Variants in ROCK2 observed in about 807,000 individuals in gnomAD.
ROCK2 encodes the protein rho-associated protein kinase 2.
ROCK2 carries 61 observed loss-of-function variants against 195.1 expected under a neutral mutation model. That is an observed-to-expected ratio of 0.31 (90% CI 0.25 to 0.39). The LOEUF (loss-of-function observed/expected upper bound fraction) is 0.39, where lower values mean the gene tolerates loss of function less well. ROCK2 is among the 10% of genes least tolerant of loss of function. The pLI is 1.00. For missense variants in ROCK2, 1,109 were observed against 1,637.4 expected (o/e 0.68, Z 5.57); for synonymous variants, 504 against 545.5 (o/e 0.92, Z 1.06).
chr2:11,254,120 G>A (rs935470069), intron 3 of ROCK2, among the ~76,000 whole-genome samples: 3 of 152,118 alleles, frequency 2.0e-5, no homozygotes, highest in African/African-American at 7.2e-5. Flanking sequence ...TTATTACTCA[G>A]AATCATGCAC....
At chr2:11,247,746 G>A (rs547072744) in intron 4 of ROCK2, among the ~76,000 whole-genome samples, 105 of 152,314 alleles carry the variant, frequency 6.9e-4, no homozygotes, top group Middle Eastern at 3.4e-3. Context: ...CAGGCCAGGC[G>A]CAGAGGCTCA....
intron 1 of ROCK2, among the ~76,000 whole-genome samples, chr2:11,332,160 T>C (rs1403042397): frequency 1.3e-5 from 2 of 152,022 alleles, no homozygotes; most frequent in Non-Finnish European, 2.9e-5. Context: ...AACCTTTTTT[T>C]AATTAAAAAA....
intron 1 of ROCK2, among the ~76,000 whole-genome samples, chr2:11,317,576 T>TTTTATATATATATATA (rs1553317356): frequency 3.4e-5 from 1 of 29,584 alleles, no homozygotes; most frequent in Non-Finnish European, 5.7e-5. Context: ...ATCTACACAT[T>TTTTATATATATATATA]TATATATATA....
intron 1 of ROCK2, among the ~76,000 whole-genome samples, chr2:11,305,831 G>C (rs1667843126): frequency 6.6e-6 from 1 of 152,150 alleles, no homozygotes; most frequent in African/African-American, 2.4e-5. Context: ...GGACCATTCT[G>C]TACTATTTTT....
rs193225932 is a variant in ROCK2 at position 11,207,073 on chromosome 2, A to G, written c.2549+653T>C. Among the ~76,000 whole-genome samples, 12 of 152,322 alleles carry G rather than the reference A, an allele frequency of 7.9e-5. No homozygotes were observed. The East Asian group carries it at 2.3e-3, about 29-fold the overall frequency. On this transcript the variant is annotated intron_variant, in intron 20 of 32. Coordinates refer to ENST00000315872, the MANE Select transcript of ROCK2 (RefSeq NM_004850.5). ...AATAAATGGGACAAATTTTAATAGT[A>G]TATTTACTATATATTTTATCTTTTT...
intron 1 of ROCK2, among the ~76,000 whole-genome samples, chr2:11,289,791 G>T (rs923452038): frequency 6.6e-6 from 1 of 152,174 alleles, no homozygotes; most frequent in Non-Finnish European, 1.5e-5. Context: ...ATTATGTGAA[G>T]ATTAACTAAT....
chr2:11,282,619 A>AAAAAAAAAAAAAAAAAAAAAAAAAC, intron 3 of ROCK2, among the ~76,000 whole-genome samples: 1 of 151,462 alleles, frequency 6.6e-6, no homozygotes, highest in African/African-American at 2.4e-5. Context: ...AAAAAAAAAA[A>AAAAAAAAAAAAAAAAAAAAAAAAAC]AAGAATCAAG....
At chr2:11,341,717 C>CA (rs1247641046) in intron 1 of ROCK2, among the ~76,000 whole-genome samples, 1 of 151,848 alleles carries the variant, frequency 6.6e-6, no homozygotes, top group Non-Finnish European at 1.5e-5. Context: ...ATGGCAAAAC[C>CA]AAAAAATAAA....
chr2:11,290,827 G>A (rs970802276), intron 1 of ROCK2, among the ~76,000 whole-genome samples: 2 of 152,096 alleles, frequency 1.3e-5, no homozygotes, highest in African/African-American at 2.4e-5. Context: ...TAAGACACTG[G>A]AGGGAAAAAC....
intron 3 of ROCK2, among the ~76,000 whole-genome samples, chr2:11,277,799 G>A (rs1442220716): frequency 2.6e-5 from 4 of 152,170 alleles, no homozygotes; most frequent in African/African-American, 9.7e-5. Flanking sequence ...GTGTGTGCAA[G>A]TATCTTTTTC....
At chr2:11,324,427 A>AAACAG (rs1352846367) in intron 1 of ROCK2, among the ~76,000 whole-genome samples, 4 of 148,938 alleles carry the variant, frequency 2.7e-5, no homozygotes, top group Non-Finnish European at 5.9e-5. Flanking sequence ...CCGTCTCAAA[A>AAACAG]AACAAAACAA....
At position 11,237,843 on chromosome 2, in the gene ROCK2, C is replaced by T. The variant is rs911809967; in HGVS notation, c.463-1881G>A. Among the ~76,000 whole-genome samples, 8 of 152,120 alleles carry T rather than the reference C, an allele frequency of 5.3e-5. No individual in the cohort carries two copies. The South Asian group carries it at 6.2e-4, about 12-fold the overall frequency. ...CTGTAATCCCAGCATTTTGGGAGGCCGAGGCAGGCAGATCACCTGAGGTCA... is the reference window on the plus strand; with the variant it reads ...CTGTAATCCCAGCATTTTGGGAGGCTGAGGCAGGCAGATCACCTGAGGTCA... On this transcript the variant is annotated intron_variant, in intron 4 of 32. Transcript: ENST00000315872.
intron 1 of ROCK2, among the ~76,000 whole-genome samples, chr2:11,288,391 G>T (rs1009020327): frequency 1.3e-5 from 2 of 152,194 alleles, no homozygotes; most frequent in African/African-American, 4.8e-5. Context: ...GGAAATGCTT[G>T]TGAAGGTAGC....
intron 3 of ROCK2, among the ~76,000 whole-genome samples, chr2:11,255,862 G>A (rs1666012405): frequency 7.2e-6 from 1 of 139,452 alleles, no homozygotes; most frequent in African/African-American, 2.8e-5. Flanking sequence ...AGGGGTTGCA[G>A]TGAGCCGAGA....
At chr2:11,312,392 T>A (rs1668064225) in intron 1 of ROCK2, among the ~76,000 whole-genome samples, 1 of 152,044 alleles carries the variant, frequency 6.6e-6, no homozygotes, top group Admixed American at 6.6e-5. Context: ...AACATAGCCA[T>A]CAACCCACAA....
intron 1 of ROCK2, among the ~76,000 whole-genome samples, chr2:11,304,333 C>A (rs1220807918): frequency 6.6e-6 from 1 of 152,176 alleles, no homozygotes; most frequent in African/African-American, 2.4e-5. Context: ...TCCATTCATG[C>A]CAATTCCATC....
intron 3 of ROCK2, among the ~76,000 whole-genome samples, chr2:11,261,161 G>A (rs1490645689): frequency 3.3e-5 from 5 of 152,156 alleles, no homozygotes; most frequent in Non-Finnish European, 7.4e-5. Context: ...GACAGTTCCT[G>A]GCTCATAAAT....
intron 3 of ROCK2, among the ~76,000 whole-genome samples, chr2:11,269,502 C>T (rs1666547030): frequency 1.5e-5 from 2 of 135,614 alleles, no homozygotes; most frequent in South Asian, 4.9e-4. Context: ...CAGAGCAAGA[C>T]TCCATCTCAA....
intron 3 of ROCK2, among the ~76,000 whole-genome samples, chr2:11,284,424 G>C (rs1558358753): frequency 6.6e-6 from 1 of 152,148 alleles, no homozygotes; most frequent in Non-Finnish European, 1.5e-5. Flanking sequence ...GTCAATGTAA[G>C]CATCAGTTGT....
Sources: gnomAD v4.1 joint callset for allele counts (sites outside exome capture counted in the v4.1 genomes callset) on GRCh38, gnomAD v4.1.1 for gene constraint, MANE v1.5 for transcripts, NCBI Gene and HGNC (gene_info 2026-07-23, HGNC 2026-07-21) for gene names.